ARHGEF16: variants seen among roughly 807,000 people sequenced by gnomAD.
ARHGEF16 encodes Rho guanine nucleotide exchange factor 16, also known as Rho guanine exchange factor (GEF) 16.
A neutral mutation model predicts 74.1 loss-of-function variants in ARHGEF16; 59 were observed. The observed-to-expected ratio is 0.80, with a 90% confidence interval of 0.65 to 0.99. The LOEUF is 0.99. ARHGEF16 is among the 50% of genes least tolerant of loss of function. The pLI is 0.00. For synonymous variants in ARHGEF16, 415 were observed against 412.6 expected, an observed-to-expected ratio of 1.01 and a Z score of -0.07; for missense variants, 948 against 986.6, an observed-to-expected ratio of 0.96 and a Z score of 0.52.
intron 9 of ARHGEF16, 52 bp downstream of exon 9, chr1:3,474,834 T>TGGC: frequency 2.0e-6 from 3 of 1,527,974 alleles, no homozygotes; most frequent in Non-Finnish European, 2.7e-6. Context: ...CCCGACCCTG[T>TGGC]CCCCACCCAA....
chr1:3,474,472 A>C, intron 8 of ARHGEF16: 1 of 494,734 alleles, frequency 2.0e-6, no homozygotes, highest in Non-Finnish European at 3.7e-6. Flanking sequence ...ATGGGAAGGG[A>C]AGGGTTCCAG....
chr1:3,474,568 G>A (rs1224181109), intron 8 of ARHGEF16, 140 bp from the exon 9 acceptor site: 27 of 727,792 alleles, frequency 3.7e-5, no homozygotes, highest in East Asian at 1.1e-4. Context: ...GGGGCTGTAC[G>A]TGCTGTGGGG....
Position 3,467,198 on chromosome 1 carries a change from G to T in ARHGEF16, c.665G>T (p.Arg222Leu). 6.4e-7 allele frequency: 1 copy of T among 1,550,608 alleles called. No homozygotes were observed. Among genetic ancestry groups the T allele is most frequent in the Non-Finnish European group, 8.7e-7 (1 of 1,146,836 alleles). The part of the protein sequence containing the change: ...DPQLYQEIQE[R>L]GLNTSQESDD... The stretch of plus-strand genomic sequence containing the variant: ...CAGCTCTACCAGGAGATCCAGGAGC[G>T]GGGCCTGAACACCAGCCAGGAGTCT... Residue 222 changes from arginine (R) to leucine (L), a missense_variant, in exon 4 of 15, where the codon CGG becomes CTG. Physicochemically the swap from Arg to Leu is moderately radical, Grantham distance 102. Transcript: ENST00000378378.
At chr1:3,468,147 G>A (rs1410199110) in intron 4 of ARHGEF16, among the ~76,000 whole-genome samples, 1 of 152,202 alleles carries the variant, frequency 6.6e-6, no homozygotes, top group Non-Finnish European at 1.5e-5. Flanking sequence ...GTCTCCCTCT[G>A]TCGGGGATGG....
Position 3,469,471 on chromosome 1 carries a change from G to A in ARHGEF16, c.900G>A (p.Gln300=), listed in dbSNP as rs1233812429. The A allele has an allele frequency of 1.2e-6, 2 of 1,613,144 alleles. No homozygotes were observed. The highest frequency in any genetic ancestry group is 1.1e-5 in the South Asian group (1 of 91,086). ...TCCTCACGTCGGAGTTCTCCTACCAGCACAGCCTGAGCATCCTGGTGGAGG... is the reference window on the plus strand; with the variant it reads ...TCCTCACGTCGGAGTTCTCCTACCAACACAGCCTGAGCATCCTGGTGGAGG... ...FEILTSEFSY[Q]HSLSILVEEF... is the part of the protein sequence containing the mutation. The change falls in exon 6 of 15, where the codon CAG becomes CAA. Residue 300 remains glutamine (Q), a synonymous_variant. Transcript: ENST00000378378.
chr1:3,478,501 C>A lies in ARHGEF16; in HGVS notation c.1703C>A (p.Pro568His), dbSNP rs749083124. 12 of 1,612,694 alleles carry A rather than the reference C, an allele frequency of 7.4e-6. No homozygotes were observed. In the South Asian group the frequency reaches 1.1e-4, roughly 15 times the overall value. Residue 568 changes from proline (P) to histidine (H), a missense_variant, in exon 12 of 15, where the codon CCT (proline) becomes CAT (histidine). By Grantham distance (77) the Pro-to-His change is moderately conservative. Transcript: ENST00000378378. ...QVEKIEPSEL[P>H]LPGGGNRSSS... ...GAGAAGATAGAGCCGTCTGAGCTCCCTCTGCCCGGGGGCGGCAACCGTAGC... is the reference window on the plus strand; with the variant it reads ...GAGAAGATAGAGCCGTCTGAGCTCCATCTGCCCGGGGGCGGCAACCGTAGC...
intron 8 of ARHGEF16, 150 bp downstream of exon 8, chr1:3,473,672 TATTA>T: frequency 1.5e-6 from 2 of 1,331,966 alleles, no homozygotes; most frequent in Non-Finnish European, 2.1e-6. Flanking sequence ...AAGATGGCTT[TATTA>T]ACCAGGATAA....
chr1:3,460,262 A>G (rs1332588394), intron 1 of ARHGEF16, among the ~76,000 whole-genome samples: 1 of 152,130 alleles, frequency 6.6e-6, no homozygotes, highest in Non-Finnish European at 1.5e-5. Flanking sequence ...GCCTTCTGGC[A>G]GTGGAGCAGA....
At position 3,466,142 on chromosome 1, in the gene ARHGEF16, G is replaced by A. The variant is rs1443384869; in HGVS notation, c.589-6G>A. 2.1e-5 allele frequency: 33 copies of A among 1,548,420 alleles called. No homozygotes were observed. The highest frequency in any genetic ancestry group is 2.5e-5 in the East Asian group (1 of 40,786). ...GCTGCGGTTTCTGTGTCTCTCTTTTGTGCAGAAGACGCTGGGGAGGAAACG... is the reference window on the plus strand; with the variant it reads ...GCTGCGGTTTCTGTGTCTCTCTTTTATGCAGAAGACGCTGGGGAGGAAACG... On this transcript the variant is annotated splice_region_variant and splice_polypyrimidine_tract_variant and intron_variant, in intron 2 of 14. Transcript: ENST00000378378.
chr1:3,478,730 A>T, intron 12 of ARHGEF16, 118 bp downstream of exon 12: 1 of 1,192,882 alleles, frequency 8.4e-7, no homozygotes, highest in Non-Finnish European at 1.1e-6. Flanking sequence ...CCCACCGTGC[A>T]CCTGGCCCTG....
At chr1:3,474,368 C>G in intron 8 of ARHGEF16, 1 of 317,098 alleles carries the variant, frequency 3.2e-6, no homozygotes, top group East Asian at 6.4e-5. Context: ...CCAAACAGAA[C>G]CTCAAACTCC....
chr1:3,462,933 C>T, intron 1 of ARHGEF16, 133 bp from the exon 2 acceptor site: 1 of 564,936 alleles, frequency 1.8e-6, no homozygotes, highest in East Asian at 3.0e-5. Context: ...GGCTGCGTCG[C>T]TGTCCTTGCC....
chr1:3,457,510 G>T (rs1026816313), intron 1 of ARHGEF16, among the ~76,000 whole-genome samples: 3 of 152,240 alleles, frequency 2.0e-5, no homozygotes, highest in African/African-American at 7.2e-5. Context: ...TACTGCTATG[G>T]GGATGCTGGA....
intron 8 of ARHGEF16, chr1:3,474,306 T>G: frequency 3.8e-6 from 1 of 263,752 alleles, no homozygotes; most frequent in Non-Finnish European, 7.5e-6. Flanking sequence ...GCCCCGCACA[T>G]GGCAGGACTG....
chr1:3,457,496 A>G (rs1639291577), intron 1 of ARHGEF16, among the ~76,000 whole-genome samples: 1 of 152,142 alleles, frequency 6.6e-6, no homozygotes, highest in Non-Finnish European at 1.5e-5. Flanking sequence ...TGGCTGGGAG[A>G]TTGTACTGCT....
intron 8 of ARHGEF16, chr1:3,473,726 G>A (rs1639805000): frequency 1.2e-6 from 1 of 852,356 alleles, no homozygotes; most frequent in African/African-American, 1.7e-5. Flanking sequence ...ACTGTGCCGG[G>A]AACTGTTCCA....
Position 3,467,238 on chromosome 1 carries a change from C to G in ARHGEF16, c.705C>G (p.Leu235=). 8 of 1,550,558 alleles carry G rather than the reference C, an allele frequency of 5.2e-6. No individual in the cohort carries two copies. The highest frequency in any genetic ancestry group is 7.0e-6 in the Non-Finnish European group (8 of 1,146,886). ...NTSQESDDDI[L]DESSSPEGTQ... is the part of the protein sequence containing the mutation. ...GCCAGGAGTCTGATGACGACATCCT[C>G]GATGAGTCCTCCAGCCCCGAGGGAA... The change falls in exon 4 of 15, where the codon CTC becomes CTG. Residue 235 remains leucine, a synonymous_variant. Coordinates refer to ENST00000378378, the MANE Select transcript of ARHGEF16 (RefSeq NM_014448.4).
At chr1:3,455,234 A>G (rs1639239826) in intron 1 of ARHGEF16, among the ~76,000 whole-genome samples, 1 of 151,892 alleles carries the variant, frequency 6.6e-6, no homozygotes, top group South Asian at 2.1e-4. Context: ...GGGGCGGAAC[A>G]GAACGACCCT....
chr1:3,468,339 C>A (rs572161128), intron 4 of ARHGEF16, among the ~76,000 whole-genome samples: 1 of 152,334 alleles, frequency 6.6e-6, no homozygotes, highest in South Asian at 2.1e-4. Flanking sequence ...GACCCCTGGG[C>A]GGTGTGGCAG....
Sources: allele counts gnomAD v4.1 joint callset (sites outside exome capture counted in the v4.1 genomes callset), GRCh38; gene constraint gnomAD v4.1.1; transcripts MANE v1.5; gene names NCBI Gene and HGNC (gene_info 2026-07-23, HGNC 2026-07-21).